Variants in ADAP1 observed in about 807,000 individuals in gnomAD.
ADAP1 encodes ArfGAP with dual PH domains 1.
In ADAP1, 31 loss-of-function variants were observed where a neutral mutation model predicts 54.9. That is an observed-to-expected ratio of 0.56 (90% CI 0.42 to 0.76). The LOEUF is 0.76. ADAP1 is among the 30% of genes least tolerant of loss of function. The pLI is 0.00. For missense variants in ADAP1, 535 were observed against 512.4 expected, an observed-to-expected ratio of 1.04 and a Z score of -0.42; for synonymous variants, 313 against 202.6, an observed-to-expected ratio of 1.55 and a Z score of -4.63.
At chr7:916,030 C>A in intron 4 of ADAP1, among the ~76,000 whole-genome samples, 1 of 152,232 alleles carries the variant, frequency 6.6e-6, no homozygotes, top group East Asian at 1.9e-4. Flanking sequence ...CAGACCTGAT[C>A]TTCCCCAGAA....
chr7:940,559 G>A (rs1300259547), intron 1 of ADAP1, among the ~76,000 whole-genome samples: 2 of 152,142 alleles, frequency 1.3e-5, no homozygotes, highest in Non-Finnish European at 2.9e-5. Context: ...ACCAAGTGTT[G>A]ATGAGGATAC....
chr7:920,794 C>A lies in ADAP1; in HGVS notation c.306-744G>T, dbSNP rs530603791. On this transcript the variant is annotated intron_variant, in intron 3 of 10. Coordinates refer to ENST00000265846, the MANE Select transcript of ADAP1 (RefSeq NM_006869.4). This position sits in a 1 kb window ranked among gnomAD's most constrained non-coding sequence, Gnocchi z 4.5. ...TCCACCGTGACTCACTCGAGTGAAG[C>A]CAATACCATTGCAGAAACCACGACC... 28 of 1,550,106 alleles carry A rather than the reference C, an allele frequency of 1.8e-5. No individual in the cohort carries two copies. The African/African-American group carries it at 3.4e-4, about 19-fold the overall frequency.
At chr7:953,966 G>A (rs1380369397) in intron 1 of ADAP1, among the ~76,000 whole-genome samples, 1 of 152,196 alleles carries the variant, frequency 6.6e-6, no homozygotes, top group African/African-American at 2.4e-5. Flanking sequence ...ACGTCACCGC[G>A]AGGTGGCCCC....
intron 1 of ADAP1, among the ~76,000 whole-genome samples, chr7:944,613 T>C (rs1847092906): frequency 6.6e-6 from 1 of 152,172 alleles, no homozygotes; most frequent in South Asian, 2.1e-4. Flanking sequence ...TATATATTTA[T>C]GGGGTCCACA....
At chr7:916,050 C>T (rs575490029) in intron 4 of ADAP1, among the ~76,000 whole-genome samples, 44 of 152,246 alleles carry the variant, frequency 2.9e-4, no homozygotes, top group Non-Finnish European at 3.8e-4. Flanking sequence ...AGGGCCACTC[C>T]AGGGGCCAGA....
In ADAP1 at chr7:945,775, G is replaced by A. The variant is rs1030506070; in HGVS notation, c.82+8621C>T. The A allele has an allele frequency of 6.1e-6, 6 of 985,516 alleles. No homozygotes were observed. Among genetic ancestry groups the A allele is most frequent in the African/African-American group, 5.2e-5 (3 of 57,228 alleles). The allele number at this position is 985,516 out of a possible 1,614,324, so 61.0% of individuals were successfully genotyped here. On this transcript the variant is annotated intron_variant, in intron 1 of 10. Transcript: ENST00000265846. This position sits in a 1 kb window ranked among gnomAD's most constrained non-coding sequence, Gnocchi z 4.2. Reference sequence around the variant, plus strand: ...GCTCTGCCCTACCTGCTCCCAGGACGCCCGAGGTGACTCAGCCGCTCACCA... The same window carrying A: ...GCTCTGCCCTACCTGCTCCCAGGACACCCGAGGTGACTCAGCCGCTCACCA...
chr7:912,937 C>T (rs1011541147), intron 4 of ADAP1, among the ~76,000 whole-genome samples: 1 of 152,350 alleles, frequency 6.6e-6, no homozygotes, highest in East Asian at 1.9e-4. Flanking sequence ...CAGTCTTGAC[C>T]TCCTGGGCTC....
chr7:941,426 AAAC>A (rs1411341941), intron 1 of ADAP1, among the ~76,000 whole-genome samples: 1 of 152,260 alleles, frequency 6.6e-6, no homozygotes, highest in East Asian at 1.9e-4. Context: ...ATTCTATTAA[AAAC>A]AACTATGAGA....
intron 4 of ADAP1, among the ~76,000 whole-genome samples, chr7:912,844 C>T (rs377166145): frequency 5.3e-5 from 8 of 152,130 alleles, no homozygotes; most frequent in Non-Finnish European, 8.8e-5. Flanking sequence ...GGAGCTATCA[C>T]GCCAGGCCTA....
intron 2 of ADAP1, chr7:935,134 C>T: frequency 1.5e-6 from 1 of 663,724 alleles, no homozygotes; most frequent in Non-Finnish European, 2.8e-6. Flanking sequence ...GCTCCCTGGC[C>T]CACCACACAC....
intron 1 of ADAP1, among the ~76,000 whole-genome samples, chr7:952,399 C>A (rs1445578550): frequency 6.6e-6 from 1 of 152,200 alleles, no homozygotes; most frequent in Non-Finnish European, 1.5e-5. Flanking sequence ...GTTCTGAGGA[C>A]AGCAGAACGT....
chr7:930,711 C>CCTT (rs1300901878), intron 2 of ADAP1, among the ~76,000 whole-genome samples: 1 of 151,586 alleles, frequency 6.6e-6, no homozygotes, highest in Non-Finnish European at 1.5e-5. Flanking sequence ...CCCAGCTACT[C>CCTT]GGGAGGCTGA....
rs1402209736 is a variant in ADAP1 at position 946,564 on chromosome 7, C to T, written c.82+7832G>A. On this transcript the variant is annotated intron_variant, in intron 1 of 10. Transcript: ENST00000265846. This position sits in a 1 kb window ranked among gnomAD's most constrained non-coding sequence, Gnocchi z 4.3. Reference sequence around the variant, plus strand: ...CCCCAGGCTCTGCCCTGCCCCTGCCCTCCCACCCTCTCTCCCTCCTGGTGC... The same window carrying T: ...CCCCAGGCTCTGCCCTGCCCCTGCCTTCCCACCCTCTCTCCCTCCTGGTGC... Among the ~76,000 whole-genome samples, 1 of 152,034 alleles carries T rather than the reference C, an allele frequency of 6.6e-6. No individual in the cohort carries two copies. Among genetic ancestry groups the T allele is most frequent in the Non-Finnish European group, 1.5e-5 (1 of 67,954 alleles).
Position 938,814 on chromosome 7 carries a change from CAG to C in ADAP1, c.83-3311_83-3310del, listed in dbSNP as rs1190733635. 1.3e-5 allele frequency among the ~76,000 whole-genome samples: 2 copies of C among 152,228 alleles called. No individual in the cohort carries two copies. The highest frequency in any genetic ancestry group is 1.3e-4 in the Admixed American group (2 of 15,280). On this transcript the variant is annotated intron_variant, in intron 1 of 10. Transcript: ENST00000265846. This position sits in a 1 kb window ranked among gnomAD's most constrained non-coding sequence, Gnocchi z 4.4. The stretch of plus-strand genomic sequence containing the variant: ...GGCAATGCTGTTGGTTCTGCTCCGA[CAG>C]TGTGGACCACGGACCCAGGCTTCCT...
intron 4 of ADAP1, among the ~76,000 whole-genome samples, chr7:915,519 G>GAGCA (rs1845898359): frequency 6.6e-6 from 1 of 152,220 alleles, no homozygotes; most frequent in South Asian, 2.1e-4. Context: ...CCGACCCTGC[G>GAGCA]AGCAAGCGTG....
At position 935,366 on chromosome 7, in the gene ADAP1, C is replaced by A. The variant is rs760311378; in HGVS notation, c.213+9G>T. ...CTGCGCGGGTCCCCCCGCCCCTCCC[C>A]CTCCGTACCTCCACTTGGGCCTCCT... On this transcript the variant is annotated intron_variant, in intron 2 of 10. Coordinates refer to ENST00000265846, the MANE Select transcript of ADAP1 (RefSeq NM_006869.4). The A allele has an allele frequency of 1.3e-5, 20 of 1,554,670 alleles. No individual in the cohort carries two copies. Among genetic ancestry groups the A allele is most frequent in the East Asian group, 2.4e-5 (1 of 41,236 alleles).
At chr7:930,536 A>T (rs1465253011) in intron 2 of ADAP1, among the ~76,000 whole-genome samples, 3 of 149,792 alleles carry the variant, frequency 2.0e-5, no homozygotes, top group African/African-American at 7.3e-5. Flanking sequence ...TTAATTAGCC[A>T]GGGCTGGCGC....
At chr7:935,271 G>T in intron 2 of ADAP1, 104 bp downstream of exon 2, 1 of 1,453,336 alleles carries the variant, frequency 6.9e-7, no homozygotes, top group South Asian at 1.3e-5. Context: ...GTAGCCCAAG[G>T]CTCCAGGGGC....
At chr7:947,105 T>C (rs1356871129) in intron 1 of ADAP1, among the ~76,000 whole-genome samples, 5 of 151,958 alleles carry the variant, frequency 3.3e-5, no homozygotes, top group Non-Finnish European at 7.4e-5. Flanking sequence ...AGTGGTGCGA[T>C]CATGGTTCAC....
Sources: allele counts gnomAD v4.1 joint callset (sites outside exome capture counted in the v4.1 genomes callset), GRCh38; gene constraint gnomAD v4.1.1; non-coding constraint Gnocchi (gnomAD v3.1); transcripts MANE v1.5; gene names NCBI Gene and HGNC (gene_info 2026-07-23, HGNC 2026-07-21).